Variants in PPP2R5E observed in about 807,000 individuals in gnomAD.
The protein encoded by PPP2R5E is serine/threonine-protein phosphatase 2A 56 kDa regulatory subunit epsilon isoform.
In PPP2R5E, 4 loss-of-function variants were observed where a neutral mutation model predicts 65.3. The observed-to-expected ratio is 0.06, with a 90% CI of 0.03 to 0.14. The LOEUF is 0.14. Among genes scored for constraint, PPP2R5E ranks in the 10% least tolerant of loss-of-function variants. The probability of loss-of-function intolerance (pLI) is 1.00; values close to 1 mark genes in which losing one functional copy is unlikely to be tolerated. For missense variants in PPP2R5E, 274 were observed against 556.1 expected (o/e 0.49, Z 5.10); for synonymous variants, 183 against 187.4 (o/e 0.98, Z 0.19).
chr14:63,441,470 C>T (rs941987859), intron 3 of PPP2R5E, among the ~76,000 whole-genome samples: 4 of 152,220 alleles, frequency 2.6e-5, no homozygotes, highest in African/African-American at 9.6e-5. Flanking sequence ...GGGGGGACCC[C>T]GTTCCTTTCC....
intron 2 of PPP2R5E, among the ~76,000 whole-genome samples, chr14:63,460,200 T>A (rs751413550): frequency 6.6e-6 from 1 of 152,194 alleles, no homozygotes; most frequent in Non-Finnish European, 1.5e-5. Flanking sequence ...ACACACATTA[T>A]CCCTTTTAAT....
In PPP2R5E at chr14:63,391,877, A is replaced by G; in HGVS notation, c.904-10T>C. On this transcript the variant is annotated splice_polypyrimidine_tract_variant and intron_variant, in intron 9 of 13. Coordinates refer to ENST00000337537, the MANE Select transcript of PPP2R5E (RefSeq NM_006246.5). The stretch of plus-strand genomic sequence containing the variant: ...TTAACCCCCTAATAACCTAAAATGA[A>G]AAGGAGAAAAACAAATGGCATTTAA... The G allele has an allele frequency of 1.2e-6, 2 of 1,613,200 alleles. No homozygotes were observed. The highest frequency in any genetic ancestry group is 1.7e-6 in the Non-Finnish European group (2 of 1,179,232).
chr14:63,518,485 C>A lies in PPP2R5E; in HGVS notation c.157+21044G>T, dbSNP rs556102459. On this transcript the variant is annotated intron_variant, in intron 2 of 13. Coordinates refer to ENST00000337537, the MANE Select transcript of PPP2R5E (RefSeq NM_006246.5). ...TCTCAAGCTCCTGGCCTCAAGAGAT[C>A]CTCCCGTCTCAGCCTCCCAAATCAC... is the stretch of plus-strand genomic sequence containing the variant. 2.0e-4 allele frequency among the ~76,000 whole-genome samples: 31 copies of A among 152,220 alleles called. No homozygotes were observed. The South Asian group carries it at 6.2e-3, about 31-fold the overall frequency.
chr14:63,379,098 G>A (rs1884162620), intron 13 of PPP2R5E, among the ~76,000 whole-genome samples: 1 of 148,246 alleles, frequency 6.7e-6, no homozygotes, highest in Admixed American at 6.8e-5. Flanking sequence ...GTGTAATCTC[G>A]GCTCACTGCA....
intron 3 of PPP2R5E, among the ~76,000 whole-genome samples, chr14:63,437,275 A>G (rs918336905): frequency 6.6e-6 from 1 of 152,212 alleles, no homozygotes; most frequent in African/African-American, 2.4e-5. Flanking sequence ...ATAATCAAGA[A>G]GTAACCATAA....
At chr14:63,469,548 G>A (rs901053009) in intron 2 of PPP2R5E, among the ~76,000 whole-genome samples, 2 of 152,188 alleles carry the variant, frequency 1.3e-5, no homozygotes, top group Non-Finnish European at 2.9e-5. Flanking sequence ...CAAAAAAGTA[G>A]CCAGGCGTGG....
At chr14:63,495,149 G>A (rs994887455) in intron 2 of PPP2R5E, among the ~76,000 whole-genome samples, 2 of 151,846 alleles carry the variant, frequency 1.3e-5, no homozygotes, top group East Asian at 1.9e-4. Context: ...GTTGCAGTGA[G>A]CCAAGAACGC....
At chr14:63,539,864 G>T (rs769154713) in intron 1 of PPP2R5E, among the ~76,000 whole-genome samples, 172 bp from the exon 2 acceptor site, 2 of 152,044 alleles carry the variant, frequency 1.3e-5, no homozygotes, top group South Asian at 4.1e-4. Flanking sequence ...AATGGCTCAC[G>T]CCTGTAATCC....
chr14:63,505,491 A>ACACACTGAACACTTCGCCT (rs1892116748), intron 2 of PPP2R5E, among the ~76,000 whole-genome samples: 1 of 152,180 alleles, frequency 6.6e-6, no homozygotes, highest in Non-Finnish European at 1.5e-5. Context: ...ACACTTCGCC[A>ACACACTGAACACTTCGCCT]TTCACTCTGC....
intron 2 of PPP2R5E, among the ~76,000 whole-genome samples, chr14:63,514,295 A>G (rs1177393423): frequency 6.6e-6 from 1 of 152,154 alleles, no homozygotes; most frequent in Non-Finnish European, 1.5e-5. Flanking sequence ...GTCACAACTG[A>G]AAAGATTGAT....
intron 3 of PPP2R5E, among the ~76,000 whole-genome samples, chr14:63,445,167 TTC>T (rs996828303): frequency 2.0e-5 from 3 of 152,194 alleles, no homozygotes; most frequent in Non-Finnish European, 4.4e-5. Context: ...GGCTTCCATG[TTC>T]TCTGTCTGGG....
intron 10 of PPP2R5E, among the ~76,000 whole-genome samples, chr14:63,390,740 T>G (rs1436615124): frequency 6.6e-6 from 1 of 152,220 alleles, no homozygotes; most frequent in Non-Finnish European, 1.5e-5. Context: ...TTTGTTAATA[T>G]GTATATGGAA....
intron 2 of PPP2R5E, among the ~76,000 whole-genome samples, chr14:63,529,771 G>C (rs1267744699): frequency 2.0e-5 from 3 of 152,168 alleles, no homozygotes; most frequent in Non-Finnish European, 2.9e-5. Context: ...GAAAATTCTA[G>C]GTAGAAAAGG....
chr14:63,539,894 G>A (rs1331110260), intron 1 of PPP2R5E, among the ~76,000 whole-genome samples: 5 of 152,178 alleles, frequency 3.3e-5, no homozygotes, highest in Admixed American at 6.5e-5. Flanking sequence ...GGGAGGCTGA[G>A]ATGGGTGGAT....
intron 5 of PPP2R5E, among the ~76,000 whole-genome samples, chr14:63,404,227 A>C (rs1427672374): frequency 6.6e-6 from 1 of 152,248 alleles, no homozygotes; most frequent in African/African-American, 2.4e-5. Context: ...CGAGCAAAAC[A>C]ACCCAGTTGC....
rs201874213 is a variant in PPP2R5E at position 63,391,874 on chromosome 14, T to C, written c.904-7A>G. The C allele has an allele frequency of 3.1e-4, 497 of 1,613,190 alleles. 1 individual carries two copies. The African/African-American group carries it at 6.1e-3, about 20-fold the overall frequency. On this transcript the variant is annotated splice_polypyrimidine_tract_variant and splice_region_variant and intron_variant, in intron 9 of 13. Coordinates refer to ENST00000337537, the MANE Select transcript of PPP2R5E (RefSeq NM_006246.5). The stretch of plus-strand genomic sequence containing the variant: ...TCATTAACCCCCTAATAACCTAAAA[T>C]GAAAAGGAGAAAAACAAATGGCATT...
At chr14:63,422,175 G>A (rs886313696) in intron 3 of PPP2R5E, 81 bp from the exon 4 acceptor site, 2 of 1,112,312 alleles carry the variant, frequency 1.8e-6, no homozygotes, top group Non-Finnish European at 2.7e-6. Flanking sequence ...CAAGCTGAGG[G>A]GAACCCAGAT....
At chr14:63,476,872 C>T (rs922533261) in intron 2 of PPP2R5E, among the ~76,000 whole-genome samples, 5 of 152,160 alleles carry the variant, frequency 3.3e-5, no homozygotes, top group African/African-American at 1.2e-4. Flanking sequence ...TTATACCTGA[C>T]TAGTGTCCAC....
At chr14:63,481,199 A>C (rs1890679793) in intron 2 of PPP2R5E, among the ~76,000 whole-genome samples, 1 of 152,136 alleles carries the variant, frequency 6.6e-6, no homozygotes, top group Non-Finnish European at 1.5e-5. Context: ...AAAAAAGAAA[A>C]GTATGAAATA....
Sources: gnomAD v4.1 joint callset for allele counts (sites outside exome capture counted in the v4.1 genomes callset) on GRCh38, gnomAD v4.1.1 for gene constraint, MANE v1.5 for transcripts, NCBI Gene and HGNC (gene_info 2026-07-23, HGNC 2026-07-21) for gene names.